The following RASSF5 variants were observed in gnomAD, a reference collection of about 807,000 sequenced individuals.
RASSF5 encodes Ras association domain family member 5, also known as ras association domain-containing protein 5.
In RASSF5, 25 loss-of-function variants were observed where a neutral mutation model predicts 40.5. That is an observed-to-expected ratio of 0.62 (90% CI 0.45 to 0.86). The LOEUF (loss-of-function observed/expected upper bound fraction) is 0.86, where lower values mean the gene tolerates loss of function less well. RASSF5 is among the 40% of genes least tolerant of loss of function. RASSF5 has a pLI of 0.00. For synonymous variants in RASSF5, 246 were observed against 252.4 expected (o/e 0.97, Z 0.24); for missense variants, 521 against 572.8 (o/e 0.91, Z 0.92).
intron 2 of RASSF5, among the ~76,000 whole-genome samples, chr1:206,550,691 A>G (rs1346211883): frequency 2.6e-5 from 4 of 152,228 alleles, no homozygotes; most frequent in Admixed American, 2.0e-4. Context: ...AGGAATATAT[A>G]TAATAGGACT....
At chr1:206,559,172 G>A (rs1483664948) in intron 2 of RASSF5, among the ~76,000 whole-genome samples, 1 of 152,206 alleles carries the variant, frequency 6.6e-6, no homozygotes, top group East Asian at 1.9e-4. Context: ...CTGATATACA[G>A]TTGAGGTTTT....
chr1:206,518,823 T>A (rs782103480), intron 1 of RASSF5, among the ~76,000 whole-genome samples: 9 of 151,256 alleles, frequency 6.0e-5, no homozygotes, highest in Middle Eastern at 6.8e-3. Flanking sequence ...GGCTGAGAAT[T>A]AGGGCCAAGC....
At chr1:206,519,047 G>A (rs1211869118) in intron 1 of RASSF5, among the ~76,000 whole-genome samples, 1 of 152,112 alleles carries the variant, frequency 6.6e-6, no homozygotes, top group Non-Finnish European at 1.5e-5. Context: ...GCTGCTGGGT[G>A]GAGCACAGCT....
At chr1:206,522,293 G>C (rs1299243470) in intron 1 of RASSF5, among the ~76,000 whole-genome samples, 1 of 152,190 alleles carries the variant, frequency 6.6e-6, no homozygotes, top group African/African-American at 2.4e-5. Flanking sequence ...GATGTGGAAA[G>C]AGGGGAGACG....
intron 1 of RASSF5, among the ~76,000 whole-genome samples, chr1:206,514,774 A>G (rs1330657989): frequency 2.0e-5 from 3 of 152,202 alleles, no homozygotes; most frequent in Non-Finnish European, 4.4e-5. Context: ...AAGAATTATC[A>G]TTGTGTTTGC....
chr1:206,557,774 C>G, intron 2 of RASSF5: 1 of 1,492,614 alleles, frequency 6.7e-7, no homozygotes, highest in South Asian at 1.2e-5. Flanking sequence ...AACCTTGCTC[C>G]CAGCAAAGGG....
Position 206,513,197 on chromosome 1 carries a change from G to C in RASSF5, c.457+5138G>C, listed in dbSNP as rs1365738928. 6.6e-6 allele frequency among the ~76,000 whole-genome samples: 1 copy of C among 152,198 alleles called. No homozygotes were observed. Among genetic ancestry groups the C allele is most frequent in the Non-Finnish European group, 1.5e-5 (1 of 68,026 alleles). ...CCTGCACCCCAGTGTTCTCCCACAG[G>C]GTTCTCTCTGGCTCCCACACCCACC... On this transcript the variant is annotated intron_variant, in intron 1 of 5. Coordinates refer to ENST00000579436, the MANE Select transcript of RASSF5 (RefSeq NM_182663.4). The surrounding 1 kb of genome is among the most constrained non-coding windows in gnomAD (Gnocchi z 5.0).
Position 206,584,691 on chromosome 1 carries a change from GAA to G in RASSF5, c.988+9_988+10del. On this transcript the variant is annotated splice_region_variant and intron_variant, in intron 4 of 5. Coordinates refer to ENST00000579436, the MANE Select transcript of RASSF5 (RefSeq NM_182663.4). The surrounding 1 kb of genome is among the most constrained non-coding windows in gnomAD (Gnocchi z 4.9). ...ATACACAAGGACGGACAAGGTAGGA[GAA>G]AGAGTGAACCCAACCAGACCGTTCC... 6.2e-7 allele frequency: 1 copy of G among 1,614,196 alleles called. No homozygotes were observed. Among genetic ancestry groups the G allele is most frequent in the Non-Finnish European group, 8.5e-7 (1 of 1,180,014 alleles).
Position 206,507,957 on chromosome 1 carries a change from C to A in RASSF5, c.355C>A (p.Arg119=). The change falls in exon 1 of 6, where the codon CGA becomes AGA. Residue 119 remains arginine (R), a synonymous_variant. Coordinates refer to ENST00000579436, the MANE Select transcript of RASSF5 (RefSeq NM_182663.4). ...QPQDPRVPAE[R]GEGHCFAELV... Reference sequence around the variant, plus strand: ...GCAGGATCCCAGAGTCCCGGCGGAGCGAGGCGAGGGGCACTGCTTCGCCGA... The same window carrying A: ...GCAGGATCCCAGAGTCCCGGCGGAGAGAGGCGAGGGGCACTGCTTCGCCGA... 1.3e-6 allele frequency: 2 copies of A among 1,531,310 alleles called. No homozygotes were observed. The allele number at this position is 1,531,310 out of a possible 1,614,324, so 94.9% of individuals were successfully genotyped here.
intron 2 of RASSF5, among the ~76,000 whole-genome samples, chr1:206,563,551 C>T (rs1668205741): frequency 6.6e-6 from 1 of 152,142 alleles, no homozygotes; most frequent in South Asian, 2.1e-4. Context: ...GTGGCCTCAA[C>T]CACCTGCACC....
At chr1:206,523,418 A>T (rs1434699022) in intron 1 of RASSF5, among the ~76,000 whole-genome samples, 2 of 117,324 alleles carry the variant, frequency 1.7e-5, no homozygotes, top group South Asian at 4.4e-4. Context: ...ATTATATATT[A>T]TATATTATAT....
At chr1:206,542,974 G>A (rs1163994070) in intron 2 of RASSF5, 1 of 152,170 alleles carries the variant, frequency 6.6e-6, no homozygotes, top group Non-Finnish European at 1.5e-5. Context: ...CACTTTGTGA[G>A]GTCAAGGCAG....
At chr1:206,541,542 C>A (rs1456403045) in intron 2 of RASSF5, among the ~76,000 whole-genome samples, 7 of 152,150 alleles carry the variant, frequency 4.6e-5, no homozygotes, top group Admixed American at 3.9e-4. Flanking sequence ...TTTTGTCAAC[C>A]ACAGAAATGA....
chr1:206,533,456 C>T (rs1181025244), intron 1 of RASSF5, among the ~76,000 whole-genome samples: 1 of 152,128 alleles, frequency 6.6e-6, no homozygotes, highest in Non-Finnish European at 1.5e-5. Context: ...AAATGATATA[C>T]TTAAGTCCTA....
Position 206,551,610 on chromosome 1 carries a change from T to A in RASSF5, c.579+13317T>A, listed in dbSNP as rs1667842733. Among the ~76,000 whole-genome samples the A allele has an allele frequency of 2.6e-5, 4 of 152,370 alleles. No homozygotes were observed. The South Asian group carries it at 8.3e-4, about 32-fold the overall frequency. On this transcript the variant is annotated intron_variant, in intron 2 of 5. Coordinates refer to ENST00000579436, the MANE Select transcript of RASSF5 (RefSeq NM_182663.4). ...CCAATGTATTTCTGATTAGGCAGAA[T>A]GGAAATGCTTCCCAAAAAGGAGGCA...
chr1:206,566,655 A>G (rs1466668081), intron 2 of RASSF5, among the ~76,000 whole-genome samples: 1 of 152,154 alleles, frequency 6.6e-6, no homozygotes, highest in Non-Finnish European at 1.5e-5. Flanking sequence ...GGCACTTGGC[A>G]CCTATAATGT....
intron 2 of RASSF5, among the ~76,000 whole-genome samples, chr1:206,569,453 A>G (rs2103549966): frequency 6.6e-6 from 1 of 152,280 alleles, no homozygotes; most frequent in East Asian, 1.9e-4. Context: ...TCAGATCTTT[A>G]AAGATGTCAG....
intron 1 of RASSF5, among the ~76,000 whole-genome samples, chr1:206,522,884 A>T (rs1196993611): frequency 6.6e-6 from 1 of 152,216 alleles, no homozygotes; most frequent in Non-Finnish European, 1.5e-5. Context: ...TAAAAAATTT[A>T]AAATGGTTTA....
Position 206,584,390 on chromosome 1 carries a change from G to A in RASSF5, c.694G>A (p.Glu232Lys). The A allele has an allele frequency of 6.2e-7, 1 of 1,610,158 alleles. No individual in the cohort carries two copies. The highest frequency in any genetic ancestry group is 8.5e-7 in the Non-Finnish European group (1 of 1,177,436). Residue 232 changes from glutamate (E) to lysine (K), a missense_variant, in exon 4 of 6, where the codon GAA becomes AAA. Transcript: ENST00000579436. This position sits in a 1 kb window ranked among gnomAD's most constrained non-coding sequence, Gnocchi z 4.9. The stretch of plus-strand genomic sequence containing the variant: ...TGTGACATGCCCCCGCTGGCAGAGT[G>A]AAGACGGCACCTACACGGGTTTCAT... ...EKNCLGMKLS[E>K]DGTYTGFIKV...
Sources: gnomAD v4.1 joint callset for allele counts (sites outside exome capture counted in the v4.1 genomes callset) on GRCh38, gnomAD v4.1.1 for gene constraint, Gnocchi (gnomAD v3.1) non-coding constraint, MANE v1.5 for transcripts, NCBI Gene and HGNC (gene_info 2026-07-23, HGNC 2026-07-21) for gene names.